The following TNS1 variants were observed in gnomAD, a reference collection of about 807,000 sequenced individuals.
TNS1 encodes tensin-1.
In TNS1, 62 loss-of-function variants were observed where a neutral mutation model predicts 168.6. That is an observed-to-expected ratio of 0.37 (90% CI 0.30 to 0.45). The LOEUF (loss-of-function observed/expected upper bound fraction) is 0.45, where lower values mean the gene tolerates loss of function less well. TNS1 is among the 20% of genes least tolerant of loss of function. TNS1 has a pLI of 1.00. For missense variants in TNS1, 2,240 were observed against 2,339.4 expected (o/e 0.96, Z 0.88); for synonymous variants, 934 against 933.2 (o/e 1.00, Z -0.02).
intron 1 of TNS1, among the ~76,000 whole-genome samples, chr2:218,008,891 G>GTT (rs145851660): frequency 4.0e-5 from 6 of 149,412 alleles, no homozygotes; most frequent in African/African-American, 1.5e-4. Context: ...TAATATCCCT[G>GTT]TTTTTTTTTT....
intron 18 of TNS1, among the ~76,000 whole-genome samples, chr2:217,857,339 C>G (rs1475301210): frequency 6.6e-6 from 1 of 152,130 alleles, no homozygotes. Context: ...CTCAGGACCA[C>G]CCAAGGTCAC....
At chr2:217,853,711 G>A (rs1947797514) in intron 18 of TNS1, among the ~76,000 whole-genome samples, 1 of 152,188 alleles carries the variant, frequency 6.6e-6, no homozygotes, top group African/African-American at 2.4e-5. Flanking sequence ...CACCCTCGAT[G>A]CTGAGCTTGA....
At chr2:217,989,953 A>G (rs958653797) in intron 2 of TNS1, among the ~76,000 whole-genome samples, 25 of 151,174 alleles carry the variant, frequency 1.7e-4, no homozygotes, top group African/African-American at 2.4e-4. Context: ...CATCATCCTC[A>G]CGCCATCCAC....
intron 3 of TNS1, among the ~76,000 whole-genome samples, chr2:217,942,562 G>T (rs1433100112): frequency 6.6e-6 from 1 of 152,168 alleles, no homozygotes; most frequent in Admixed American, 6.5e-5. Context: ...GCTGGCAGGG[G>T]CAGGTGCAAC....
intron 6 of TNS1, among the ~76,000 whole-genome samples, chr2:217,901,082 C>T (rs1952920446): frequency 6.6e-6 from 1 of 152,236 alleles, no homozygotes; most frequent in Non-Finnish European, 1.5e-5. Context: ...CCACTCCCCA[C>T]TGTCTGTGGC....
intron 3 of TNS1, among the ~76,000 whole-genome samples, chr2:217,967,148 T>C (rs1309037238): frequency 2.0e-5 from 3 of 151,800 alleles, no homozygotes; most frequent in East Asian, 1.9e-4. Context: ...TGAAACCCCA[T>C]CTCTACTAAA....
chr2:217,905,206 C>G, intron 6 of TNS1: 2 of 267,520 alleles, frequency 7.5e-6, no homozygotes, highest in South Asian at 6.6e-5. Flanking sequence ...ATTAGGTTCC[C>G]CCTGCACCCC....
chr2:217,814,953 G>C lies in TNS1; in HGVS notation c.4688C>G (p.Thr1563Ser). ...CTCAGGCTTGTACCAATACTTAGAA[G>C]TGTCCTGGACAAACTTCACTTTAGC... ...TRAKVKFVQDTSKYWYKPEIS... is the reference protein window; with the variant it reads ...TRAKVKFVQDSSKYWYKPEIS... Residue 1563 changes from threonine to serine, a missense_variant, in exon 25 of 33, where the codon ACT (threonine) becomes AGT (serine). Physicochemically the swap from Thr to Ser is moderately conservative, Grantham distance 58. Transcript: ENST00000682258. 1 of 1,613,666 alleles carries C rather than the reference G, an allele frequency of 6.2e-7. No individual in the cohort carries two copies. Among genetic ancestry groups the C allele is most frequent in the Non-Finnish European group, 8.5e-7 (1 of 1,179,858 alleles).
At chr2:217,825,809 C>T (rs1943539419) in intron 22 of TNS1, among the ~76,000 whole-genome samples, 1 of 152,202 alleles carries the variant, frequency 6.6e-6, no homozygotes, top group East Asian at 1.9e-4. Flanking sequence ...ATTAGAAACC[C>T]TGAGATGGCT....
chr2:218,006,271 C>A (rs1958656081), upstream of TNS1, among the ~76,000 whole-genome samples: 6 of 152,226 alleles, frequency 3.9e-5, no homozygotes, highest in Admixed American at 3.9e-4. Context: ...GGCCTTAGAG[C>A]CTGAGCCTGG....
intron 19 of TNS1, 44 bp from the exon 20 acceptor site, chr2:217,836,255 T>C (rs1287294196): frequency 6.4e-7 from 1 of 1,558,250 alleles, no homozygotes; most frequent in African/African-American, 1.4e-5. Context: ...CATTTTTGTG[T>C]AAGAAATGAT....
At chr2:217,976,980 C>T (rs562362163) in intron 3 of TNS1, among the ~76,000 whole-genome samples, 35 of 152,286 alleles carry the variant, frequency 2.3e-4, no homozygotes, top group Admixed American at 6.5e-4. Context: ...AGTCACTCAA[C>T]GTGGGGCGCC....
chr2:217,845,585 G>C (rs915112226), intron 19 of TNS1, among the ~76,000 whole-genome samples: 4 of 152,224 alleles, frequency 2.6e-5, no homozygotes, highest in African/African-American at 9.6e-5. Flanking sequence ...GTCACTCCCA[G>C]TTGATGGAGG....
chr2:217,801,372 C>T lies in TNS1; in HGVS notation c.*3087G>A, dbSNP rs1225956626. ...CCCCAGCTGAAGGGACATGACCCTC[C>T]TCTGCCCTCTTCCCTCCAGACACCC... On this transcript the variant is annotated 3_prime_UTR_variant, in exon 33 of 33. Transcript: ENST00000682258. The T allele has an allele frequency of 6.6e-6, 1 of 152,330 alleles. No homozygotes were observed. 9.4% of individuals were successfully genotyped at this position (152,330 alleles called of 1,614,324 possible). A position where few individuals can be genotyped will look rare whatever the true frequency, so the allele number is the denominator to read the frequency against.
At chr2:218,003,702 C>T (rs375748396), upstream of TNS1, among the ~76,000 whole-genome samples, 5 of 151,990 alleles carry the variant, frequency 3.3e-5, no homozygotes, top group African/African-American at 1.2e-4. Context: ...AAGGGAGCCC[C>T]GCTCCAGGCT....
chr2:217,814,984 T>A lies in TNS1; in HGVS notation c.4657A>T (p.Thr1553Ser), dbSNP rs1418144683. The A allele has an allele frequency of 1.2e-6, 2 of 1,612,642 alleles. No individual in the cohort carries two copies. The highest frequency in any genetic ancestry group is 1.7e-6 in the Non-Finnish European group (2 of 1,179,348). Reference sequence around the variant, plus strand: ...TGGACAAACTTCACTTTAGCCCGCGTCTCCGGGCTGTTGTCTAAAGCAGGA... The same window carrying A: ...TGGACAAACTTCACTTTAGCCCGCGACTCCGGGCTGTTGTCTAAAGCAGGA... ...KYSMPDNSPE[T>S]RAKVKFVQDT... Residue 1553 changes from threonine (T) to serine (S), a missense_variant, in exon 25 of 33, where the codon ACG (threonine) becomes TCG (serine). Physicochemically the swap from Thr to Ser is moderately conservative, Grantham distance 58. This residue lies in a region of TNS1 where 2,131 missense variants were observed against 2,171.2 expected (regional missense o/e 0.98). Transcript: ENST00000682258.
intron 1 of TNS1, among the ~76,000 whole-genome samples, chr2:217,992,030 C>T (rs114570781): frequency 0.013 from 1,949 of 152,264 alleles, 42 homozygotes; most frequent in African/African-American, 0.044. Context: ...ACCCCTGGAG[C>T]TCTGATAGTC....
chr2:217,902,674 C>T (rs566942070), intron 6 of TNS1, among the ~76,000 whole-genome samples: 1 of 152,268 alleles, frequency 6.6e-6, no homozygotes, highest in East Asian at 1.9e-4. Context: ...CTGGCCAGGC[C>T]GCCTCCAGAG....
intron 1 of TNS1, among the ~76,000 whole-genome samples, chr2:218,019,523 A>G (rs1958788804): frequency 6.6e-6 from 1 of 152,102 alleles, no homozygotes. Flanking sequence ...TTGGGCACCA[A>G]GGAGGAGGAC....
Sources: allele counts gnomAD v4.1 joint callset (sites outside exome capture counted in the v4.1 genomes callset), GRCh38; gene constraint gnomAD v4.1.1; regional missense constraint gnomAD v4.1.1; transcripts MANE v1.5; gene names NCBI Gene and HGNC (gene_info 2026-07-23, HGNC 2026-07-21).